The following MCM2 variants were observed in gnomAD, a reference collection of about 807,000 sequenced individuals.
The protein encoded by MCM2 is minichromosome maintenance complex component 2, also known as DNA replication licensing factor MCM2.
Under a neutral mutation model 86.4 loss-of-function variants are expected in MCM2, and 49 were observed. That is an observed-to-expected ratio of 0.57 (90% CI 0.45 to 0.72). The LOEUF (loss-of-function observed/expected upper bound fraction) is 0.72, where lower values mean the gene tolerates loss of function less well. Among genes scored for constraint, MCM2 ranks in the 30% least tolerant of loss-of-function variants. The pLI is 0.00. For synonymous variants in MCM2, 475 were observed against 484.6 expected (o/e 0.98, Z 0.26); for missense variants, 1,038 against 1,259.9 (o/e 0.82, Z 2.67).
At chr3:127,615,656 A>C (rs550967507) in intron 8 of MCM2, among the ~76,000 whole-genome samples, 62 of 152,316 alleles carry the variant, frequency 4.1e-4, no homozygotes, top group African/African-American at 1.3e-3. Context: ...TAAACTCCAA[A>C]GTTCTGTGAC....
chr3:127,604,937 C>T lies in MCM2; in HGVS notation c.454C>T (p.Arg152Cys), dbSNP rs1367954911. 8 of 1,613,464 alleles carry T rather than the reference C, an allele frequency of 5.0e-6. No individual in the cohort carries two copies. Among genetic ancestry groups the T allele is most frequent in the Admixed American group, 3.3e-5 (2 of 59,970 alleles). ...CGAGGAGCGCCCTGCCCGCAAGCGC[C>T]GCCAGGTGGAGCGGGCCACGGAGGA... ...EDEERPARKR[R>C]QVERATEDGE... The change falls in exon 4 of 16, where the codon CGC (arginine) becomes TGC (cysteine). Residue 152 changes from arginine to cysteine, a missense_variant. Around this residue, in one of 4 missense-constraint regions of MCM2, gnomAD observed 300 missense variants for 307.4 expected, o/e 0.98. Transcript: ENST00000265056.
intron 8 of MCM2, among the ~76,000 whole-genome samples, chr3:127,612,113 T>C (rs1481874518): frequency 1.3e-5 from 2 of 152,228 alleles, no homozygotes; most frequent in Admixed American, 6.5e-5. Flanking sequence ...CTGTGGGTGC[T>C]GGCTCTGTGT....
chr3:127,612,611 C>T (rs1254517015), intron 8 of MCM2, among the ~76,000 whole-genome samples: 1 of 152,168 alleles, frequency 6.6e-6, no homozygotes, highest in African/African-American at 2.4e-5. Flanking sequence ...GTAGGTAGGA[C>T]AAAAATAGCT....
chr3:127,606,115 TA>T lies in MCM2; in HGVS notation c.674-2del. The T allele has an allele frequency of 6.2e-7, 1 of 1,613,148 alleles. No homozygotes were observed. Among genetic ancestry groups the T allele is most frequent in the South Asian group, 1.1e-5 (1 of 91,066 alleles). ...ACTCTCTTCCCACTGTGCCCCCTTC[TA>T]GAGAACCGTGAGAGCCTGGTGGTGA... On this transcript the variant is annotated splice_acceptor_variant, in intron 4 of 15. Coordinates refer to ENST00000265056, the MANE Select transcript of MCM2 (RefSeq NM_004526.4). LOFTEE classifies it high-confidence loss of function. This position sits in a 1 kb window ranked among gnomAD's most constrained non-coding sequence, Gnocchi z 4.2.
At chr3:127,621,482 A>G (rs1237463955) in intron 15 of MCM2, among the ~76,000 whole-genome samples, 181 bp from the exon 16 acceptor site, 2 of 152,200 alleles carry the variant, frequency 1.3e-5, no homozygotes, top group Admixed American at 1.3e-4. Flanking sequence ...AACTTGTCTC[A>G]GTTTACACGC....
At chr3:127,619,780 G>A (rs1177709775) in intron 13 of MCM2, among the ~76,000 whole-genome samples, 6 of 152,196 alleles carry the variant, frequency 3.9e-5, no homozygotes, top group Non-Finnish European at 8.8e-5. Context: ...GTGAGTTCAA[G>A]ACCAGGCTGG....
chr3:127,621,925 CTGTT>C lies in MCM2; in HGVS notation c.*158_*161del, dbSNP rs549653417. Reference sequence around the variant, plus strand: ...GGATGTCTGGCTGCACCTGGCATGACTGTTTGTTTCTCCAAGCCTGCTTTGTGCT... The same window carrying C: ...GGATGTCTGGCTGCACCTGGCATGACTGTTTCTCCAAGCCTGCTTTGTGCT... On this transcript the variant is annotated 3_prime_UTR_variant, in exon 16 of 16. Transcript: ENST00000265056. The C allele has an allele frequency of 1.8e-4, 105 of 587,132 alleles. No homozygotes were observed. The highest frequency in any genetic ancestry group is 1.5e-3 in the African/African-American group (79 of 53,292). 36.4% of individuals were successfully genotyped at this position (587,132 alleles called of 1,614,324 possible). A position where few individuals can be genotyped will look rare whatever the true frequency, so the allele number is the denominator to read the frequency against.
chr3:127,598,685 C>T (rs2074277312), intron 1 of MCM2, among the ~76,000 whole-genome samples: 1 of 152,200 alleles, frequency 6.6e-6, no homozygotes, highest in Admixed American at 6.5e-5. Flanking sequence ...GCGAGCTCGG[C>T]CCGTTCAGCC....
At chr3:127,612,839 T>G (rs931686699) in intron 8 of MCM2, among the ~76,000 whole-genome samples, 2 of 152,088 alleles carry the variant, frequency 1.3e-5, no homozygotes, top group South Asian at 4.1e-4. Context: ...GCATCTGGGG[T>G]CGAGTCTTGC....
At chr3:127,600,290 A>G (rs983192540) in intron 2 of MCM2, among the ~76,000 whole-genome samples, 19 of 152,242 alleles carry the variant, frequency 1.2e-4, no homozygotes, top group Non-Finnish European at 2.5e-4. Context: ...TCAAAAATAA[A>G]TAAATAAATA....
chr3:127,610,707 A>T lies in MCM2; in HGVS notation c.1428+1684A>T, dbSNP rs17538558. On this transcript the variant is annotated intron_variant, in intron 8 of 15. Coordinates refer to ENST00000265056, the MANE Select transcript of MCM2 (RefSeq NM_004526.4). ...TGCATCCACCGTGAGAAGCTGCTGC[A>T]GGCTAGACGCAAACCCAGTAGGGGC... 935 of 444,754 alleles carry T rather than the reference A, an allele frequency of 2.1e-3. 7 individuals are homozygous for T. Among genetic ancestry groups the T allele is most frequent in the African/African-American group, 0.017 (856 of 49,868 alleles). The allele number at this position is 444,754 out of a possible 1,614,324, so 27.6% of individuals were successfully genotyped here.
chr3:127,615,682 A>G (rs747435899), intron 8 of MCM2, among the ~76,000 whole-genome samples, 180 bp from the exon 9 acceptor site: 1 of 152,214 alleles, frequency 6.6e-6, no homozygotes, highest in African/African-American at 2.4e-5. Flanking sequence ...GGAAGAGCCA[A>G]CTAATGAAAA....
At chr3:127,608,797 T>A (rs1459725146) in intron 7 of MCM2, 35 bp from the exon 8 acceptor site, 2 of 1,607,366 alleles carry the variant, frequency 1.2e-6, no homozygotes, top group Non-Finnish European at 1.7e-6. Flanking sequence ...ACCCCTGGGT[T>A]AGGCTCTGAC....
Position 127,619,281 on chromosome 3 carries a change from G to A in MCM2, c.2265+3G>A. On this transcript the variant is annotated splice_donor_region_variant and intron_variant, in intron 13 of 15. Transcript: ENST00000265056. ...GTGACCTGAGGAAAGAATCTATGGTGAGAGCCCAGGCAGAGCCGGGAGGTG... is the reference window on the plus strand; with the variant it reads ...GTGACCTGAGGAAAGAATCTATGGTAAGAGCCCAGGCAGAGCCGGGAGGTG... 6.2e-7 allele frequency: 1 copy of A among 1,611,184 alleles called. No homozygotes were observed. The highest frequency in any genetic ancestry group is 8.5e-7 in the Non-Finnish European group (1 of 1,177,588).
intron 8 of MCM2, among the ~76,000 whole-genome samples, chr3:127,610,303 G>A (rs145773000): frequency 2.6e-4 from 40 of 152,334 alleles, no homozygotes; most frequent in Non-Finnish European, 4.7e-4. Flanking sequence ...CCCAGGGACA[G>A]GAGCCATCAC....
At chr3:127,610,872 G>A (rs1219853451) in intron 8 of MCM2, 2 of 456,704 alleles carry the variant, frequency 4.4e-6, no homozygotes, top group Admixed American at 2.3e-5. Flanking sequence ...AAGATCTGGG[G>A]TTCCCATAGG....
At chr3:127,598,960 T>G in intron 1 of MCM2, 3 of 376,480 alleles carry the variant, frequency 8.0e-6, no homozygotes, top group East Asian at 5.4e-5. Flanking sequence ...CCTTGCGCAC[T>G]GTGTGTGCTG....
At chr3:127,603,396 C>T (rs903941250) in intron 2 of MCM2, among the ~76,000 whole-genome samples, 1 of 152,184 alleles carries the variant, frequency 6.6e-6, no homozygotes, top group Non-Finnish European at 1.5e-5. Flanking sequence ...TATCTCGGCT[C>T]ACTGCAACCT....
intron 2 of MCM2, among the ~76,000 whole-genome samples, chr3:127,603,349 T>C (rs2074319029): frequency 6.6e-6 from 1 of 150,438 alleles, no homozygotes; most frequent in Non-Finnish European, 1.5e-5. Context: ...TGAGACGGAG[T>C]TTCACTCTTG....
Sources: allele counts gnomAD v4.1 joint callset (sites outside exome capture counted in the v4.1 genomes callset), GRCh38; gene constraint gnomAD v4.1.1; regional missense constraint gnomAD v4.1.1; non-coding constraint Gnocchi (gnomAD v3.1); transcripts MANE v1.5; gene names NCBI Gene and HGNC (gene_info 2026-07-23, HGNC 2026-07-21).